SMTNL1: variants seen among roughly 807,000 people sequenced by gnomAD.
SMTNL1 encodes the protein smoothelin like 1.
SMTNL1 carries 41 observed loss-of-function variants against 46.6 expected under a neutral mutation model. That is an observed-to-expected ratio of 0.88 (90% CI 0.69 to 1.14). SMTNL1 has a LOEUF of 1.14. Ranked by LOEUF, SMTNL1 falls within the 50% of genes most tolerant of loss-of-function variation. The pLI, the probability that SMTNL1 is intolerant of heterozygous loss-of-function variation, is 0.00. For missense variants in SMTNL1, 591 were observed against 626.1 expected, an observed-to-expected ratio of 0.94 and a Z score of 0.60; for synonymous variants, 234 against 234.2, an observed-to-expected ratio of 1.00 and a Z score of 0.01.
intron 7 of SMTNL1, among the ~76,000 whole-genome samples, chr11:57,546,912 C>T (rs1172701804): frequency 1.3e-5 from 2 of 152,074 alleles, no homozygotes; most frequent in African/African-American, 2.4e-5. Flanking sequence ...GCAGGAGAAT[C>T]GCTTGAGGCC....
chr11:57,543,343 C>A lies in SMTNL1; in HGVS notation c.701C>A (p.Ala234Glu), dbSNP rs776872383. Residue 234 changes from alanine (A) to glutamate (E), a missense_variant, in exon 2 of 8, where the codon GCA (alanine) becomes GAA (glutamate). Physicochemically the swap from Ala to Glu is moderately radical, Grantham distance 107 (BLOSUM62 -1). Coordinates refer to ENST00000527972, the MANE Select transcript of SMTNL1 (RefSeq NM_001105565.3). ...CATGGTGCAAAAGAGGAGGCTGATGCAAAAGAGGAGGCGGAGGATGCAGAG... is the reference window on the plus strand; with the variant it reads ...CATGGTGCAAAAGAGGAGGCTGATGAAAAAGAGGAGGCGGAGGATGCAGAG... The part of the protein sequence containing the change: ...AKHGAKEEAD[A>E]KEEAEDAEEA... 3 of 1,613,724 alleles carry A rather than the reference C, an allele frequency of 1.9e-6. No individual in the cohort carries two copies. The highest frequency in any genetic ancestry group is 2.5e-6 in the Non-Finnish European group (3 of 1,179,852).
chr11:57,546,614 G>A lies in SMTNL1; in HGVS notation c.1302G>A (p.Lys434=), dbSNP rs909050893. 3.1e-6 allele frequency: 5 copies of A among 1,613,852 alleles called. No individual in the cohort carries two copies. The African/African-American group carries it at 6.7e-5, about 22-fold the overall frequency. Residue 434 remains lysine (K), a synonymous_variant, in exon 7 of 8, where the codon AAG becomes AAA. Coordinates refer to ENST00000527972, the MANE Select transcript of SMTNL1 (RefSeq NM_001105565.3). Reference sequence around the variant, plus strand: ...ACTACGCAGAGCTGGATCCCGCAAAGCGCCGGCACAACTTCACCCTGGCCT... The same window carrying A: ...ACTACGCAGAGCTGGATCCCGCAAAACGCCGGCACAACTTCACCCTGGCCT... ...AFDYAELDPA[K]RRHNFTLAFS...
At chr11:57,541,179 G>A (rs1441543920) in intron 1 of SMTNL1, among the ~76,000 whole-genome samples, 2 of 152,154 alleles carry the variant, frequency 1.3e-5, no homozygotes, top group Admixed American at 6.5e-5. Context: ...CCCAGTGGGT[G>A]GTGGGAAAAA....
intron 1 of SMTNL1, chr11:57,541,384 C>G (rs1306766245): frequency 1.9e-5 from 13 of 680,374 alleles, no homozygotes; most frequent in Admixed American, 6.7e-5. Flanking sequence ...CTACACCCCC[C>G]AAAAAGGGCA....
chr11:57,543,175 A>G lies in SMTNL1; in HGVS notation c.533A>G (p.Glu178Gly), dbSNP rs1944893983. 7 of 1,613,840 alleles carry G rather than the reference A, an allele frequency of 4.3e-6. No homozygotes were observed. The highest frequency in any genetic ancestry group is 5.9e-6 in the Non-Finnish European group (7 of 1,179,800). ...EEDAKTASQE[E>G]TGQRKECSTE... ...GACGCCAAGACAGCCTCTCAGGAGG[A>G]GACAGGCCAGAGGAAAGAGTGCAGC... The change falls in exon 2 of 8, where the codon GAG (glutamate) becomes GGG (glycine). Residue 178 changes from glutamate to glycine, a missense_variant. Transcript: ENST00000527972.
At chr11:57,541,788 G>A (rs1944879488) in intron 1 of SMTNL1, among the ~76,000 whole-genome samples, 1 of 152,106 alleles carries the variant, frequency 6.6e-6, no homozygotes, top group Non-Finnish European at 1.5e-5. Flanking sequence ...TTCAGTAAAT[G>A]TATTTTTAAA....
rs755434584 is a variant in SMTNL1 at position 57,545,990 on chromosome 11, G to A, written c.1027G>A (p.Gly343Arg). Residue 343 changes from glycine (G) to arginine (R), a missense_variant, in exon 5 of 8, where the codon GGG (glycine) becomes AGG (arginine). Physicochemically the swap from Gly to Arg is moderately radical, Grantham distance 125. Coordinates refer to ENST00000527972, the MANE Select transcript of SMTNL1 (RefSeq NM_001105565.3). ...GGTATCAGCCCCTGCTCGGCCCCGG[G>A]GGCCCCGGGCACAGAACCGCAAAGC... ...RRVSAPARPR[G>R]PRAQNRKAIV... The A allele has an allele frequency of 2.9e-5, 47 of 1,606,274 alleles. No individual in the cohort carries two copies. Among genetic ancestry groups the A allele is most frequent in the Non-Finnish European group, 3.5e-5 (41 of 1,177,086 alleles).
At position 57,546,661 on chromosome 11, in the gene SMTNL1, C is replaced by T; in HGVS notation, c.1340+9C>T. On this transcript the variant is annotated intron_variant, in intron 7 of 7. Transcript: ENST00000527972. The stretch of plus-strand genomic sequence containing the variant: ...GCCTTCTCCACAGCAGAGTAAGCCA[C>T]AGCCATGGGCTGGCAGAGCTGGATG... The T allele has an allele frequency of 6.2e-7, 1 of 1,611,798 alleles. No homozygotes were observed. The highest frequency in any genetic ancestry group is 8.5e-7 in the Non-Finnish European group (1 of 1,178,940).
chr11:57,548,461 G>A (rs745369926), intron 7 of SMTNL1, among the ~76,000 whole-genome samples: 79 of 152,262 alleles, frequency 5.2e-4, no homozygotes, highest in Middle Eastern at 3.4e-3. Context: ...CTTGAGGTCA[G>A]GAGTTCAAGA....
intron 6 of SMTNL1, 49 bp downstream of exon 6, chr11:57,546,396 T>C (rs1395737469): frequency 1.1e-6 from 1 of 882,628 alleles, no homozygotes; most frequent in Non-Finnish European, 1.5e-6. Flanking sequence ...CCAGGGAGGG[T>C]CCAAGTGGTG....
intron 7 of SMTNL1, among the ~76,000 whole-genome samples, 164 bp from the exon 8 acceptor site, chr11:57,549,804 T>C (rs1296438552): frequency 6.6e-6 from 1 of 152,194 alleles, no homozygotes; most frequent in African/African-American, 2.4e-5. Context: ...CTCAGTTATC[T>C]CATCTAGATA....
chr11:57,542,938 G>A lies in SMTNL1; in HGVS notation c.296G>A (p.Gly99Asp), dbSNP rs1944891252. Residue 99 changes from glycine (G) to aspartate (D), a missense_variant, in exon 2 of 8, where the codon GGT becomes GAT. Coordinates refer to ENST00000527972, the MANE Select transcript of SMTNL1 (RefSeq NM_001105565.3). ...DAEAELKKED[G>D]EKEETTVGSQ... ...GAGGCTGAACTTAAAAAGGAGGATG[G>A]TGAGAAGGAAGAGACCACTGTGGGT... The A allele has an allele frequency of 6.2e-7, 1 of 1,604,234 alleles. No homozygotes were observed. The highest frequency in any genetic ancestry group is 1.3e-5 in the African/African-American group (1 of 74,878).
intron 7 of SMTNL1, among the ~76,000 whole-genome samples, chr11:57,546,984 A>G (rs912702071): frequency 1.3e-5 from 2 of 152,046 alleles, no homozygotes; most frequent in Non-Finnish European, 2.9e-5. Flanking sequence ...AAATCAAAAA[A>G]TTAGCTGGGT....
intron 6 of SMTNL1, 21 bp downstream of exon 6, chr11:57,546,368 C>T (rs758653264): frequency 1.6e-5 from 19 of 1,225,634 alleles, no homozygotes; most frequent in Middle Eastern, 2.5e-4. Context: ...GGCAGAGCTG[C>T]GTGGGTGGGG....
In SMTNL1 at chr11:57,542,759, A is replaced by G; in HGVS notation, c.117A>G (p.Gly39=). 1 of 1,613,972 alleles carries G rather than the reference A, an allele frequency of 6.2e-7. No individual in the cohort carries two copies. The highest frequency in any genetic ancestry group is 1.1e-5 in the South Asian group (1 of 91,064). The change falls in exon 2 of 8, where the codon GGA becomes GGG. Residue 39 remains glycine, a synonymous_variant. Transcript: ENST00000527972. ...CAGAGGAGACCAAAGGCACAGCTGG[A>G]AAGGCCATCAATGAGGGGCCTCCCA... ...APAEETKGTA[G]KAINEGPPTE...
chr11:57,538,846 GC>G (rs1475764253), intron 1 of SMTNL1, among the ~76,000 whole-genome samples: 1 of 152,226 alleles, frequency 6.6e-6, no homozygotes, highest in African/African-American at 2.4e-5. Flanking sequence ...GCTGTAAACT[GC>G]TGTAGGGCTG....
chr11:57,544,398 A>G (rs941157036), intron 4 of SMTNL1, among the ~76,000 whole-genome samples: 10 of 152,110 alleles, frequency 6.6e-5, no homozygotes, highest in African/African-American at 2.4e-4. Context: ...AACAACAGCA[A>G]CAACAAAAAA....
rs769933977 is a variant in SMTNL1, at chr11:57,545,942, A to G, written c.979A>G (p.Lys327Glu). ...PPESPSSGEK[K>E]EKAPERRVSA... is the part of the protein sequence containing the mutation. ...TGAGTCCCCTTCCTCAGGGGAGAAG[A>G]AGGAGAAGGCACCAGAGCGCAGGGT... The change falls in exon 5 of 8, where the codon AAG (lysine) becomes GAG (glutamate). Residue 327 changes from lysine to glutamate, a missense_variant. By Grantham distance (56) the Lys-to-Glu change is moderately conservative. Transcript: ENST00000527972. 4.1e-5 allele frequency: 66 copies of G among 1,613,596 alleles called. No homozygotes were observed. Among genetic ancestry groups the G allele is most frequent in the Non-Finnish European group, 5.4e-5 (64 of 1,179,790 alleles).
At chr11:57,540,707 T>C (rs1301724878) in intron 1 of SMTNL1, among the ~76,000 whole-genome samples, 1 of 147,984 alleles carries the variant, frequency 6.8e-6, no homozygotes, top group Non-Finnish European at 1.5e-5. Context: ...CCCTGGCTCA[T>C]CTTCCCTCTT....
Sources: allele counts gnomAD v4.1 joint callset (sites outside exome capture counted in the v4.1 genomes callset), GRCh38; gene constraint gnomAD v4.1.1; transcripts MANE v1.5; gene names NCBI Gene and HGNC (gene_info 2026-07-23, HGNC 2026-07-21).